Variants in STXBP5L observed in about 807,000 individuals in gnomAD.
The protein encoded by STXBP5L is syntaxin binding protein 5L, also known as syntaxin-binding protein 5-like.
STXBP5L carries 65 observed loss-of-function variants against 144.5 expected under a neutral mutation model. The ratio of observed to expected loss-of-function variants is 0.45; its 90% CI spans 0.37 to 0.55. The LOEUF (loss-of-function observed/expected upper bound fraction) is 0.55, where lower values mean the gene tolerates loss of function less well. STXBP5L is among the 20% of genes least tolerant of loss of function. STXBP5L has a pLI of 0.00. For missense variants in STXBP5L, 1,298 were observed against 1,405.5 expected (o/e 0.92, Z 1.22); for synonymous variants, 505 against 469.6 (o/e 1.08, Z -0.97).
chr3:121,288,815 T>C (rs1487066339), intron 19 of STXBP5L, among the ~76,000 whole-genome samples: 1 of 152,232 alleles, frequency 6.6e-6, no homozygotes, highest in Non-Finnish European at 1.5e-5. Context: ...TGATAGTTTT[T>C]ATAGCTGTGC....
intron 3 of STXBP5L, among the ~76,000 whole-genome samples, chr3:121,009,492 TTTAACACA>T (rs1175289893): frequency 6.6e-6 from 1 of 152,024 alleles, no homozygotes; most frequent in East Asian, 1.9e-4. Flanking sequence ...TCACCACTGT[TTTAACACA>T]ACCACATCTG....
intron 9 of STXBP5L, among the ~76,000 whole-genome samples, chr3:121,178,667 C>T (rs2047025711): frequency 6.6e-6 from 1 of 152,096 alleles, no homozygotes; most frequent in South Asian, 2.1e-4. Flanking sequence ...AAATCCAGAT[C>T]ACAGGAGAAG....
intron 7 of STXBP5L, among the ~76,000 whole-genome samples, chr3:121,128,260 C>G (rs966167224): frequency 2.0e-5 from 3 of 151,872 alleles, no homozygotes; most frequent in African/African-American, 7.3e-5. Context: ...TAGTAATTTG[C>G]TGGCATGGCT....
At chr3:121,318,698 A>G (rs1032582039) in intron 20 of STXBP5L, among the ~76,000 whole-genome samples, 158 bp downstream of exon 20, 2 of 152,244 alleles carry the variant, frequency 1.3e-5, no homozygotes, top group Admixed American at 1.3e-4. Flanking sequence ...CCAAATATCA[A>G]ATACAAACAA....
intron 19 of STXBP5L, among the ~76,000 whole-genome samples, chr3:121,285,379 C>T (rs1367428491): frequency 6.6e-6 from 1 of 152,044 alleles, no homozygotes; most frequent in South Asian, 2.1e-4. Flanking sequence ...ACTGTATAAT[C>T]TTGGATCTCT....
intron 7 of STXBP5L, among the ~76,000 whole-genome samples, chr3:121,131,378 TC>T (rs1196584766): frequency 6.6e-6 from 1 of 152,152 alleles, no homozygotes; most frequent in Non-Finnish European, 1.5e-5. Flanking sequence ...AAATTACTAC[TC>T]CCACCCAAAA....
At chr3:121,255,221 C>A in intron 16 of STXBP5L, 109 bp downstream of exon 16, 1 of 672,428 alleles carries the variant, frequency 1.5e-6, no homozygotes, top group South Asian at 3.1e-5. Flanking sequence ...CAGTATGTGG[C>A]TAGTAATACA....
chr3:120,950,885 C>T lies in STXBP5L; in HGVS notation c.190-4055C>T, dbSNP rs576622402. The stretch of plus-strand genomic sequence containing the variant: ...CAAAAGAACAAAGCTGGAGGCATCA[C>T]GCTACCTGACTTCAAACTATACTAC... On this transcript the variant is annotated intron_variant, in intron 2 of 26. Transcript: ENST00000471454. Among the ~76,000 whole-genome samples, 49 of 152,282 alleles carry T rather than the reference C, an allele frequency of 3.2e-4. No individual in the cohort carries two copies. In the South Asian group the frequency reaches 6.0e-3, roughly 19 times the overall value.
At chr3:121,355,126 C>A (rs1576268980) in intron 20 of STXBP5L, among the ~76,000 whole-genome samples, 1 of 152,146 alleles carries the variant, frequency 6.6e-6, no homozygotes, top group African/African-American at 2.4e-5. Context: ...AACATTTTTT[C>A]CTTCATTTCA....
intron 7 of STXBP5L, among the ~76,000 whole-genome samples, chr3:121,151,206 T>C (rs527970728): frequency 1.3e-5 from 2 of 152,292 alleles, no homozygotes; most frequent in South Asian, 4.1e-4. Context: ...TACAGTCATA[T>C]CAATTTTATT....
rs368892990 is a variant in STXBP5L, at chr3:121,155,586, A to G, written c.754-1918A>G. ...TATCTCTTAAAATTCTTTTTGGATTAGTTGTATTATATTTGTTTTTTTCAG... is the reference window on the plus strand; with the variant it reads ...TATCTCTTAAAATTCTTTTTGGATTGGTTGTATTATATTTGTTTTTTTCAG... On this transcript the variant is annotated intron_variant, in intron 8 of 26. Coordinates refer to ENST00000471454, the MANE Select transcript of STXBP5L (RefSeq NM_001308330.2). 1.5e-4 allele frequency among the ~76,000 whole-genome samples: 23 copies of G among 151,842 alleles called. No individual in the cohort carries two copies. The East Asian group carries it at 4.4e-3, about 29-fold the overall frequency.
intron 20 of STXBP5L, among the ~76,000 whole-genome samples, chr3:121,324,919 A>C (rs1395396917): frequency 1.3e-5 from 2 of 152,026 alleles, no homozygotes; most frequent in African/African-American, 2.4e-5. Flanking sequence ...GAATTCAGTG[A>C]AATCTTAAGA....
intron 21 of STXBP5L, among the ~76,000 whole-genome samples, chr3:121,379,821 A>T (rs1245964375): frequency 2.0e-5 from 3 of 152,074 alleles, no homozygotes; most frequent in Non-Finnish European, 4.4e-5. Flanking sequence ...ATTATAAAAG[A>T]AGTAGCCCCC....
chr3:121,158,485 T>C (rs2046199269), intron 9 of STXBP5L: 1 of 152,208 alleles, frequency 6.6e-6, no homozygotes, highest in Non-Finnish European at 1.5e-5. Context: ...TGCCATTTTT[T>C]TGTACCATAG....
chr3:121,109,694 G>A (rs73189333), intron 5 of STXBP5L, among the ~76,000 whole-genome samples: 5,412 of 152,278 alleles, frequency 0.036, 147 homozygotes, highest in Middle Eastern at 0.082. Context: ...TGTATATTCT[G>A]CTGTTTTTGG....
intron 5 of STXBP5L, among the ~76,000 whole-genome samples, chr3:121,064,913 A>T (rs1486125259): frequency 6.6e-6 from 1 of 152,136 alleles, no homozygotes; most frequent in East Asian, 1.9e-4. Context: ...GTCTTCTAGA[A>T]GTTCATAGTG....
intron 5 of STXBP5L, among the ~76,000 whole-genome samples, chr3:121,087,571 A>C (rs952589392): frequency 1.3e-5 from 2 of 152,056 alleles, no homozygotes; most frequent in Non-Finnish European, 2.9e-5. Context: ...TAATATATTC[A>C]AAGTGTATTT....
intron 2 of STXBP5L, among the ~76,000 whole-genome samples, chr3:120,911,063 C>A (rs1708809664): frequency 2.6e-5 from 4 of 152,010 alleles, no homozygotes; most frequent in Admixed American, 2.6e-4. Context: ...GATGTGTTTG[C>A]AATTTTCACG....
intron 5 of STXBP5L, among the ~76,000 whole-genome samples, chr3:121,072,492 T>C (rs2041848898): frequency 6.6e-6 from 1 of 152,242 alleles, no homozygotes; most frequent in Admixed American, 6.5e-5. Flanking sequence ...GAAACTGCTT[T>C]ATGAACCGGG....
Sources: allele counts gnomAD v4.1 joint callset (sites outside exome capture counted in the v4.1 genomes callset), GRCh38; gene constraint gnomAD v4.1.1; transcripts MANE v1.5; gene names NCBI Gene and HGNC (gene_info 2026-07-23, HGNC 2026-07-21).